Variants in PPM1L observed in about 807,000 individuals in gnomAD.
PPM1L encodes the protein protein phosphatase, Mg2+/Mn2+ dependent 1L.
PPM1L carries 13 observed loss-of-function variants against 31.4 expected under a neutral mutation model. The observed-to-expected ratio is 0.41, with a 90% CI of 0.27 to 0.66. The LOEUF is 0.66. Ranked by LOEUF, PPM1L falls within the 30% of genes least tolerant of loss-of-function variation. The pLI is 0.29. For missense variants in PPM1L, 326 were observed against 453.7 expected (o/e 0.72, Z 2.56); for synonymous variants, 184 against 175.4 (o/e 1.05, Z -0.39).
At chr3:160,904,212 T>C (rs1428850872) in intron 1 of PPM1L, among the ~76,000 whole-genome samples, 1 of 152,214 alleles carries the variant, frequency 6.6e-6, no homozygotes, top group Non-Finnish European at 1.5e-5. Context: ...TCCACTCCCC[T>C]GCAGGTTTTG....
At chr3:160,771,543 CTTTTT>C (rs745978148) in intron 1 of PPM1L, among the ~76,000 whole-genome samples, 1,939 of 77,372 alleles carry the variant, frequency 0.025, 61 homozygotes, top group African/African-American at 0.085. Flanking sequence ...AAGGCTGGCT[CTTTTT>C]TTTTTTTTTT....
intron 1 of PPM1L, among the ~76,000 whole-genome samples, chr3:160,816,452 T>C (rs1712997451): frequency 6.6e-6 from 1 of 150,512 alleles, no homozygotes; most frequent in African/African-American, 2.5e-5. Context: ...GCAGTTAAAA[T>C]GTGAGATTTA....
rs185987696 is a variant in PPM1L, at chr3:160,878,822, A to G, written c.400-82914A>G. Among the ~76,000 whole-genome samples the G allele has an allele frequency of 5.3e-3, 806 of 152,306 alleles. 5 individuals carry two copies. Among genetic ancestry groups the G allele is most frequent in the African/African-American group, 0.019 (770 of 41,574 alleles). On this transcript the variant is annotated intron_variant, in intron 1 of 3. Transcript: ENST00000498165. Reference sequence around the variant, plus strand: ...GTGATCCTTTCCATCATGATGTAGAATATCTTTGCACATTCAGTTTAATAG... The same window carrying G: ...GTGATCCTTTCCATCATGATGTAGAGTATCTTTGCACATTCAGTTTAATAG...
intron 2 of PPM1L, among the ~76,000 whole-genome samples, chr3:161,024,489 G>A (rs574900086): frequency 1.6e-4 from 24 of 151,598 alleles, no homozygotes; most frequent in Admixed American, 9.9e-4. Context: ...ACCTGAGGTC[G>A]GGAGTTCGAG....
intron 2 of PPM1L, among the ~76,000 whole-genome samples, chr3:160,967,329 C>A (rs1342749742): frequency 6.6e-6 from 1 of 151,902 alleles, no homozygotes; most frequent in Non-Finnish European, 1.5e-5. Context: ...CTAATACACC[C>A]TGCTTTAACA....
At chr3:160,922,478 G>T (rs141564686) in intron 1 of PPM1L, among the ~76,000 whole-genome samples, 1 of 152,068 alleles carries the variant, frequency 6.6e-6, no homozygotes, top group African/African-American at 2.4e-5. Context: ...AAGTCCTCCC[G>T]ATTACTCATA....
At chr3:160,823,488 C>A (rs1265723896) in intron 1 of PPM1L, among the ~76,000 whole-genome samples, 1 of 151,736 alleles carries the variant, frequency 6.6e-6, no homozygotes, top group Non-Finnish European at 1.5e-5. Context: ...GCTGGCATTA[C>A]AGGCATGAAC....
chr3:160,847,648 A>G lies in PPM1L; in HGVS notation c.399+90941A>G, dbSNP rs1348792664. ...TTCTGGCTTACCAAACCAAACACACACACCCAGGGACATACCAAAAACAAA... is the reference window on the plus strand; with the variant it reads ...TTCTGGCTTACCAAACCAAACACACGCACCCAGGGACATACCAAAAACAAA... On this transcript the variant is annotated intron_variant, in intron 1 of 3. Transcript: ENST00000498165. 2.0e-5 allele frequency among the ~76,000 whole-genome samples: 3 copies of G among 152,142 alleles called. 1 individual carries two copies. The highest frequency in any genetic ancestry group is 7.2e-5 in the African/African-American group (3 of 41,442).
Position 160,972,696 on chromosome 3 carries a change from A to G in PPM1L, c.574+10786A>G, listed in dbSNP as rs553713062. On this transcript the variant is annotated intron_variant, in intron 2 of 3. Transcript: ENST00000498165. ...TGTCTTTATAGCAGCATGATTTATA[A>G]TCCTTTGGGTATATACCCAGTAATG... Among the ~76,000 whole-genome samples the G allele has an allele frequency of 3.1e-4, 47 of 152,214 alleles. No individual in the cohort carries two copies. In the South Asian group the frequency reaches 9.8e-3, roughly 32 times the overall value.
chr3:160,985,865 G>A (rs1716945848), intron 2 of PPM1L, among the ~76,000 whole-genome samples: 2 of 151,178 alleles, frequency 1.3e-5, no homozygotes, highest in East Asian at 1.9e-4. Context: ...AAAATTTATG[G>A]ACAGTTACTC....
chr3:160,914,202 A>C (rs940863316), intron 1 of PPM1L, among the ~76,000 whole-genome samples: 6 of 152,164 alleles, frequency 3.9e-5, no homozygotes, highest in Non-Finnish European at 8.8e-5. Flanking sequence ...CTTGGTGGCC[A>C]TTCATACATG....
Position 160,878,439 on chromosome 3 carries a change from G to A in PPM1L, c.400-83297G>A, listed in dbSNP as rs148878301. Among the ~76,000 whole-genome samples, 797 of 152,230 alleles carry A rather than the reference G, an allele frequency of 5.2e-3. 5 individuals carry two copies. The highest frequency in any genetic ancestry group is 0.018 in the African/African-American group (763 of 41,518). On this transcript the variant is annotated intron_variant, in intron 1 of 3. Coordinates refer to ENST00000498165, the MANE Select transcript of PPM1L (RefSeq NM_139245.4). ...GCTAAGGGCCCTTTTCCTAGCTTGC[G>A]GATGGTTGTTTTATGGCTGTGTCCT...
chr3:160,786,149 C>CTG (rs1560106662), intron 1 of PPM1L, among the ~76,000 whole-genome samples: 54 of 89,008 alleles, frequency 6.1e-4, no homozygotes, highest in East Asian at 7.9e-4. Flanking sequence ...CTCTCTCTCT[C>CTG]TCTCTCTCTG....
At chr3:161,067,558 G>T (rs1719777552) in intron 3 of PPM1L, among the ~76,000 whole-genome samples, 1 of 152,178 alleles carries the variant, frequency 6.6e-6, no homozygotes, top group African/African-American at 2.4e-5. Context: ...TGCTTATCCT[G>T]TGCTGGCAGC....
chr3:160,960,681 T>A (rs1490274752), intron 1 of PPM1L, among the ~76,000 whole-genome samples: 1 of 151,998 alleles, frequency 6.6e-6, no homozygotes, highest in East Asian at 1.9e-4. Context: ...CCTTAGACAC[T>A]ATGTGAGTAA....
intron 1 of PPM1L, among the ~76,000 whole-genome samples, chr3:160,872,848 A>G (rs959041671): frequency 2.6e-5 from 4 of 151,460 alleles, no homozygotes; most frequent in African/African-American, 9.7e-5. Flanking sequence ...AATCGCTTGA[A>G]CCCCGGAGGC....
At chr3:160,888,565 C>G (rs899071817) in intron 1 of PPM1L, among the ~76,000 whole-genome samples, 2 of 152,150 alleles carry the variant, frequency 1.3e-5, no homozygotes, top group Non-Finnish European at 2.9e-5. Context: ...GACTTAGACT[C>G]CCACACAATA....
At chr3:160,766,161 G>GA (rs1715096810) in intron 1 of PPM1L, among the ~76,000 whole-genome samples, 1 of 152,116 alleles carries the variant, frequency 6.6e-6, no homozygotes, top group South Asian at 2.1e-4. Flanking sequence ...GCCCTCCTCT[G>GA]AAAAGTACAG....
In PPM1L at chr3:161,036,852, G is replaced by A. The variant is rs543400932; in HGVS notation, c.575-28551G>A. The stretch of plus-strand genomic sequence containing the variant: ...AAGGTTGAAAAGATGGGACAAGTCC[G>A]TTTTTCCTGCCAAGAAAGACATGGC... On this transcript the variant is annotated intron_variant, in intron 2 of 3. Transcript: ENST00000498165. Among the ~76,000 whole-genome samples, 63 of 152,248 alleles carry A rather than the reference G, an allele frequency of 4.1e-4. 1 individual carries two copies. The South Asian group carries it at 0.01, about 25-fold the overall frequency.
Sources: gnomAD v4.1 joint callset for allele counts (sites outside exome capture counted in the v4.1 genomes callset) on GRCh38, gnomAD v4.1.1 for gene constraint, MANE v1.5 for transcripts, NCBI Gene and HGNC (gene_info 2026-07-23, HGNC 2026-07-21) for gene names.